ABHD12: variants seen among roughly 807,000 people sequenced by gnomAD.
The protein encoded by ABHD12 is abhydrolase domain containing 12, lysophospholipase, also known as lysophosphatidylserine lipase ABHD12.
Under a neutral mutation model 58.3 loss-of-function variants are expected in ABHD12, and 43 were observed. The ratio of observed to expected loss-of-function variants is 0.74; its 90% CI spans 0.58 to 0.95. ABHD12 has a LOEUF of 0.95. Ranked by LOEUF, ABHD12 falls within the 40% of genes least tolerant of loss-of-function variation. The probability of loss-of-function intolerance (pLI) is 0.00; values close to 1 mark genes in which losing one functional copy is unlikely to be tolerated. For missense variants in ABHD12, 539 were observed against 537.2 expected, an observed-to-expected ratio of 1.00 and a Z score of -0.03; for synonymous variants, 219 against 211.2, an observed-to-expected ratio of 1.04 and a Z score of -0.32.
intron 1 of ABHD12, among the ~76,000 whole-genome samples, chr20:25,344,573 T>C (rs945851448): frequency 8.5e-5 from 13 of 152,222 alleles, no homozygotes; most frequent in African/African-American, 3.1e-4. Context: ...AGGCCCAATA[T>C]TGTCAATATG....
intron 1 of ABHD12, among the ~76,000 whole-genome samples, chr20:25,388,045 A>AG (rs1229431767): frequency 1.4e-5 from 2 of 142,020 alleles, no homozygotes; most frequent in African/African-American, 5.3e-5. Flanking sequence ...TCTCAAAAAA[A>AG]AAAAAAAAAA....
At chr20:25,324,347 G>A (rs1338847680) in intron 2 of ABHD12, among the ~76,000 whole-genome samples, 1 of 152,216 alleles carries the variant, frequency 6.6e-6, no homozygotes, top group East Asian at 1.9e-4. Flanking sequence ...AAGTGTGTGT[G>A]TGGGGAGAAT....
At chr20:25,327,107 G>A (rs890588468) in intron 2 of ABHD12, among the ~76,000 whole-genome samples, 1 of 152,210 alleles carries the variant, frequency 6.6e-6, no homozygotes, top group African/African-American at 2.4e-5. Flanking sequence ...CCAGCAGGAA[G>A]AAGTTAGAGC....
chr20:25,365,769 C>T (rs941606807), intron 1 of ABHD12, among the ~76,000 whole-genome samples: 1 of 152,174 alleles, frequency 6.6e-6, no homozygotes, highest in East Asian at 1.9e-4. Flanking sequence ...AAAGTGTTCA[C>T]CAGGTGCAGG....
At chr20:25,324,657 C>T (rs757395739) in intron 2 of ABHD12, among the ~76,000 whole-genome samples, 1 of 152,086 alleles carries the variant, frequency 6.6e-6, no homozygotes, top group Non-Finnish European at 1.5e-5. Flanking sequence ...TCTAGCCTCA[C>T]TTCCTCAAAT....
At chr20:25,330,956 T>G (rs2089262932) in intron 2 of ABHD12, among the ~76,000 whole-genome samples, 1 of 152,240 alleles carries the variant, frequency 6.6e-6, no homozygotes, top group African/African-American at 2.4e-5. Context: ...GGAACAAAGC[T>G]GGACGGAGAA....
At chr20:25,328,537 A>G (rs2089214787) in intron 2 of ABHD12, among the ~76,000 whole-genome samples, 1 of 152,178 alleles carries the variant, frequency 6.6e-6, no homozygotes, top group Non-Finnish European at 1.5e-5. Context: ...TTCAGGCCTC[A>G]CTCAGTTCTG....
rs2089041527 is a variant in ABHD12, at chr20:25,320,254, C to T, written c.487G>A (p.Ala163Thr). ...ATGATAGGGTGGCTGGAAGCCAAGG[C>T]ATCCTCATACCACATCTGGTCTTTG... ...QGKDQMWYED[A>T]LASSHPIILY... Residue 163 changes from alanine (A) to threonine (T), a missense_variant, in exon 4 of 13, where the codon GCC (alanine) becomes ACC (threonine). Physicochemically the swap from Ala to Thr is moderately conservative, Grantham distance 58 (BLOSUM62 0). Transcript: ENST00000339157. 1.2e-6 allele frequency: 2 copies of T among 1,614,046 alleles called. No individual in the cohort carries two copies. Among genetic ancestry groups the T allele is most frequent in the African/African-American group, 2.7e-5 (2 of 74,956 alleles).
rs112757309 is a variant in ABHD12 at position 25,373,433 on chromosome 20, G to A, written c.191+17080C>T. On this transcript the variant is annotated intron_variant, in intron 1 of 12. Transcript: ENST00000339157. Reference sequence around the variant, plus strand: ...GTGGTGGCGGGCACCTGTAATCCTGGCTACTTGGGGGGCTGAGGCAGGAGA... The same window carrying A: ...GTGGTGGCGGGCACCTGTAATCCTGACTACTTGGGGGGCTGAGGCAGGAGA... 6.5e-3 allele frequency among the ~76,000 whole-genome samples: 993 copies of A among 152,072 alleles called. 16 individuals carry two copies. Among genetic ancestry groups the A allele is most frequent in the African/African-American group, 0.023 (951 of 41,478 alleles).
chr20:25,390,649 C>T lies in ABHD12; in HGVS notation c.55G>A (p.Gly19Ser), dbSNP rs766367425. The T allele has an allele frequency of 2.1e-6, 3 of 1,445,308 alleles. No individual in the cohort carries two copies. The highest frequency in any genetic ancestry group is 9.1e-7 in the Non-Finnish European group (1 of 1,103,444). The allele number at this position is 1,445,308 out of a possible 1,614,324, so 89.5% of individuals were successfully genotyped here. Residue 19 changes from glycine (G) to serine (S), a missense_variant, in exon 1 of 13, where the codon GGC becomes AGC. Physicochemically the swap from Gly to Ser is moderately conservative, Grantham distance 56. Transcript: ENST00000339157. ...GCGGCCGAGCCGGAGGAGGACGAGC[C>T]CGCGGCGGCGCAGCGCTCATGCTCC... ...ALEHERCAAA[G>S]SSSSGSAAAA...
At chr20:25,303,413 C>A in intron 11 of ABHD12, 137 bp downstream of exon 11, 1 of 1,527,626 alleles carries the variant, frequency 6.5e-7, no homozygotes, top group Non-Finnish European at 8.8e-7. Context: ...GCCTCCTGAG[C>A]CTGACGTGGC....
intron 1 of ABHD12, among the ~76,000 whole-genome samples, chr20:25,343,157 G>A (rs564231923): frequency 2.6e-5 from 4 of 152,154 alleles, no homozygotes; most frequent in African/African-American, 4.8e-5. Context: ...CAAAACTCAC[G>A]TAAGAAATAG....
At chr20:25,335,453 C>T (rs1482857985) in intron 2 of ABHD12, among the ~76,000 whole-genome samples, 5 of 147,378 alleles carry the variant, frequency 3.4e-5, no homozygotes, top group Non-Finnish European at 3.0e-5. Context: ...CATCCCATTA[C>T]TGGGTATATA....
At chr20:25,303,483 C>T (rs759207928) in intron 11 of ABHD12, 67 bp downstream of exon 11, 18 of 1,595,980 alleles carry the variant, frequency 1.1e-5, no homozygotes, top group Non-Finnish European at 1.5e-5. Context: ...CACTCCCAGC[C>T]TGGTCCACCC....
intron 1 of ABHD12, 195 bp from the exon 2 acceptor site, chr20:25,339,546 T>C (rs1373684552): frequency 5.7e-6 from 8 of 1,413,794 alleles, no homozygotes; most frequent in Non-Finnish European, 7.8e-6. Flanking sequence ...TAATTTGGGC[T>C]TAGAACTCTA....
intron 1 of ABHD12, among the ~76,000 whole-genome samples, chr20:25,362,027 C>G (rs2089756138): frequency 6.6e-6 from 1 of 151,446 alleles, no homozygotes; most frequent in South Asian, 2.1e-4. Context: ...GTAATCCCAG[C>G]ACGTTTGGAG....
Position 25,320,290 on chromosome 20 carries a change from T to G in ABHD12, c.451A>C (p.Asn151His), listed in dbSNP as rs759228453. 1.3e-5 allele frequency: 21 copies of G among 1,613,978 alleles called. No individual in the cohort carries two copies. Among genetic ancestry groups the G allele is most frequent in the Middle Eastern group, 1.6e-4 (1 of 6,084 alleles). The stretch of plus-strand genomic sequence containing the variant: ...CACATCTGGTCTTTGCCTTGGGCGT[T>G]CTTCCACCAGACTGCAGGGACGGTG... The part of the protein sequence containing the change: ...WHTVPAVWWK[N>H]AQGKDQMWYE... Residue 151 changes from asparagine to histidine, a missense_variant, in exon 4 of 13, where the codon AAC (asparagine) becomes CAC (histidine). Coordinates refer to ENST00000339157, the MANE Select transcript of ABHD12 (RefSeq NM_001042472.3).
At chr20:25,344,331 T>C (rs369124133) in intron 1 of ABHD12, among the ~76,000 whole-genome samples, 69 of 152,240 alleles carry the variant, frequency 4.5e-4, no homozygotes, top group African/African-American at 1.6e-3. Context: ...AACTAATTAG[T>C]GATTATAGCA....
At position 25,339,247 on chromosome 20, in the gene ABHD12, T is replaced by C. The variant is rs1378903431; in HGVS notation, c.296A>G (p.Lys99Arg). 4 of 1,614,120 alleles carry C rather than the reference T, an allele frequency of 2.5e-6. No individual in the cohort carries two copies. The highest frequency in any genetic ancestry group is 2.2e-5 in the East Asian group (1 of 44,880). ...LIKLCPGIQA[K>R]LIFLNFVRVP... Reference sequence around the variant, plus strand: ...CTTACCGAAATTCAAGAAAATCAGTTTGGCCTGTATTCCAGGACATAGTTT... The same window carrying C: ...CTTACCGAAATTCAAGAAAATCAGTCTGGCCTGTATTCCAGGACATAGTTT... The change falls in exon 2 of 13, where the codon AAA becomes AGA. Residue 99 changes from lysine (K) to arginine (R), a missense_variant. Physicochemically the swap from Lys to Arg is conservative, Grantham distance 26 (BLOSUM62 2). Coordinates refer to ENST00000339157, the MANE Select transcript of ABHD12 (RefSeq NM_001042472.3).
Sources: gnomAD v4.1 joint callset for allele counts (sites outside exome capture counted in the v4.1 genomes callset) on GRCh38, gnomAD v4.1.1 for gene constraint, MANE v1.5 for transcripts, NCBI Gene and HGNC (gene_info 2026-07-23, HGNC 2026-07-21) for gene names.